Variants in VPS13D observed in about 807,000 individuals in gnomAD.
The protein encoded by VPS13D is vacuolar protein sorting 13 homolog D, also known as intermembrane lipid transfer protein VPS13D.
Under a neutral mutation model 461.9 loss-of-function variants are expected in VPS13D, and 187 were observed. The observed-to-expected ratio is 0.40, with a 90% CI of 0.36 to 0.46. The LOEUF (loss-of-function observed/expected upper bound fraction) is 0.46. VPS13D is among the 20% of genes least tolerant of loss of function. The probability of loss-of-function intolerance (pLI) is 0.60; values close to 1 mark genes in which losing one functional copy is unlikely to be tolerated. For synonymous variants in VPS13D, 1,951 were observed against 1,986.3 expected (o/e 0.98, Z 0.47); for missense variants, 4,711 against 5,364.9 (o/e 0.88, Z 3.81).
At chr1:12,395,030 G>A (rs532120582) in intron 60 of VPS13D, among the ~76,000 whole-genome samples, 5 of 152,082 alleles carry the variant, frequency 3.3e-5, no homozygotes, top group African/African-American at 9.6e-5. Flanking sequence ...ACACCTCCTC[G>A]TGAGTCACAC....
intron 2 of VPS13D, among the ~76,000 whole-genome samples, chr1:12,239,896 G>A (rs1640288173): frequency 6.6e-6 from 1 of 152,062 alleles, no homozygotes; most frequent in Non-Finnish European, 1.5e-5. Context: ...AAAGCACTCA[G>A]TACATTGGGG....
At chr1:12,469,465 T>G (rs1342910799) in intron 67 of VPS13D, among the ~76,000 whole-genome samples, 2 of 152,198 alleles carry the variant, frequency 1.3e-5, no homozygotes, top group African/African-American at 4.8e-5. Context: ...CAGGTGCCAC[T>G]CTCCTCACCT....
In VPS13D at chr1:12,327,662, G is replaced by A. The variant is rs1470230761; in HGVS notation, c.8005G>A (p.Ala2669Thr). ...LLACQGQLKK[A>T]ASWLFKNAEP... ...TTTCTTTGAAGGCCAATTGAAAAAG[G>A]CAGCAAGTTGGTTGTTTAAGAATGC... The change falls in exon 36 of 70, where the codon GCA (alanine) becomes ACA (threonine). Residue 2669 changes from alanine (A) to threonine (T), a missense_variant. By Grantham distance (58) the Ala-to-Thr change is moderately conservative. Coordinates refer to ENST00000620676, the MANE Select transcript of VPS13D (RefSeq NM_015378.4). 2.5e-6 allele frequency: 4 copies of A among 1,614,058 alleles called. No individual in the cohort carries two copies. The African/African-American group carries it at 5.3e-5, about 22-fold the overall frequency.
chr1:12,356,330 T>C (rs1643885508), intron 48 of VPS13D, 68 bp from the exon 49 acceptor site: 1 of 1,533,210 alleles, frequency 6.5e-7, no homozygotes, highest in Non-Finnish European at 8.8e-7. Flanking sequence ...GTTTTATTCA[T>C]TCACCATTTG....
intron 67 of VPS13D, among the ~76,000 whole-genome samples, chr1:12,485,228 C>A (rs1035476721): frequency 1.3e-5 from 2 of 152,240 alleles, no homozygotes; most frequent in Non-Finnish European, 2.9e-5. Context: ...GGCCCGGCTT[C>A]AGCAACATTG....
chr1:12,372,109 A>G (rs1291314932), intron 54 of VPS13D, among the ~76,000 whole-genome samples: 5 of 152,126 alleles, frequency 3.3e-5, no homozygotes, highest in African/African-American at 1.2e-4. Flanking sequence ...GCTGGAGTGC[A>G]GTGGCACAAT....
intron 44 of VPS13D, among the ~76,000 whole-genome samples, chr1:12,347,332 G>A (rs1437062274): frequency 1.3e-5 from 2 of 152,014 alleles, no homozygotes; most frequent in Non-Finnish European, 1.5e-5. Flanking sequence ...CACCACCCCC[G>A]GCTAATTTGT....
At chr1:12,253,118 G>A (rs900215234) in intron 6 of VPS13D, among the ~76,000 whole-genome samples, 3 of 148,412 alleles carry the variant, frequency 2.0e-5, no homozygotes, top group Non-Finnish European at 3.0e-5. Flanking sequence ...AGATCGTGCC[G>A]TTGTACTCCA....
At chr1:12,333,076 A>G (rs1349967064) in intron 37 of VPS13D, 150 bp from the exon 38 acceptor site, 1 of 882,814 alleles carries the variant, frequency 1.1e-6, no homozygotes, top group Non-Finnish European at 1.7e-6. Flanking sequence ...ACCTGTAGCT[A>G]AAGGTGGTTG....
chr1:12,321,105 TTC>T (rs368782098), intron 32 of VPS13D, among the ~76,000 whole-genome samples: 1 of 152,044 alleles, frequency 6.6e-6, no homozygotes, highest in South Asian at 2.1e-4. Context: ...CTGGAGTCCT[TTC>T]TCTCTCTCTC....
At chr1:12,232,075 ATCT>A (rs1216790814) in intron 1 of VPS13D, among the ~76,000 whole-genome samples, 3 of 152,234 alleles carry the variant, frequency 2.0e-5, no homozygotes, top group Non-Finnish European at 1.5e-5. Flanking sequence ...TTCTTATAAC[ATCT>A]TCTTTAAACA....
chr1:12,272,266 A>G (rs943970356), intron 17 of VPS13D, among the ~76,000 whole-genome samples: 37 of 152,212 alleles, frequency 2.4e-4, no homozygotes, highest in African/African-American at 8.0e-4. Flanking sequence ...CAGGTGGCAC[A>G]GTGAGAAAAA....
intron 67 of VPS13D, among the ~76,000 whole-genome samples, chr1:12,461,973 T>G (rs568995915): frequency 6.6e-6 from 1 of 152,316 alleles, no homozygotes; most frequent in Non-Finnish European, 1.5e-5. Context: ...TCATTTTTAT[T>G]AGTTGTTCAA....
chr1:12,354,637 G>A (rs992381391), intron 47 of VPS13D, among the ~76,000 whole-genome samples: 1 of 152,182 alleles, frequency 6.6e-6, no homozygotes, highest in African/African-American at 2.4e-5. Flanking sequence ...ATTGCTACAT[G>A]ATGTATGATT....
intron 37 of VPS13D, among the ~76,000 whole-genome samples, 175 bp downstream of exon 37, chr1:12,330,093 A>G (rs1330665827): frequency 2.0e-5 from 3 of 152,222 alleles, no homozygotes; most frequent in African/African-American, 7.2e-5. Flanking sequence ...CTGTTGTGCT[A>G]AAAACATATC....
At chr1:12,261,218 A>G (rs573920486) in intron 12 of VPS13D, 69 bp downstream of exon 12, 69 of 1,562,106 alleles carry the variant, frequency 4.4e-5, no homozygotes, top group Non-Finnish European at 6.0e-5. Flanking sequence ...AGCTTGTGGT[A>G]TTTTTCAAAT....
chr1:12,511,781 G>A lies in VPS13D; in HGVS notation c.*2757G>A, dbSNP rs1646186659. 2 of 152,164 alleles carry A rather than the reference G, an allele frequency of 1.3e-5. No homozygotes were observed. The highest frequency in any genetic ancestry group is 2.4e-5 in the African/African-American group (1 of 41,418). 9.4% of individuals were successfully genotyped at this position (152,164 alleles called of 1,614,324 possible). ...CTACACAGTGGAAAACAGACAAGCG[G>A]CCCCTTCCCCAAATCCCAAGAGTGT... On this transcript the variant is annotated 3_prime_UTR_variant, in exon 70 of 70. Transcript: ENST00000620676. The surrounding 1 kb of genome is among the most constrained non-coding windows in gnomAD (Gnocchi z 4.5).
intron 5 of VPS13D, among the ~76,000 whole-genome samples, chr1:12,246,820 G>A (rs753729914): frequency 4.6e-5 from 7 of 152,222 alleles, no homozygotes; most frequent in Non-Finnish European, 8.8e-5. Context: ...GGAATGGAAT[G>A]TTCTTGCTGA....
At chr1:12,439,421 C>A (rs1645102352) in intron 65 of VPS13D, among the ~76,000 whole-genome samples, 1 of 152,080 alleles carries the variant, frequency 6.6e-6, no homozygotes, top group South Asian at 2.1e-4. Context: ...GGAGGCCCTT[C>A]CTGACATCCC....
Sources: allele counts gnomAD v4.1 joint callset (sites outside exome capture counted in the v4.1 genomes callset), GRCh38; gene constraint gnomAD v4.1.1; non-coding constraint Gnocchi (gnomAD v3.1); transcripts MANE v1.5; gene names NCBI Gene and HGNC (gene_info 2026-07-23, HGNC 2026-07-21).